Variants in PRKDC observed in about 807,000 individuals in gnomAD.
PRKDC encodes the protein protein kinase, DNA-activated, catalytic subunit, also known as DNA-dependent protein kinase catalytic subunit.
PRKDC carries 82 observed loss-of-function variants against 486.9 expected under a neutral mutation model. That is an observed-to-expected ratio of 0.17 (90% CI 0.14 to 0.20). The LOEUF is 0.20. Ranked by LOEUF, PRKDC falls within the 10% of genes least tolerant of loss-of-function variation. The probability of loss-of-function intolerance (pLI) is 1.00; values close to 1 mark genes in which losing one functional copy is unlikely to be tolerated. For missense variants in PRKDC, 4,504 were observed against 5,038.2 expected, an observed-to-expected ratio of 0.89 and a Z score of 3.21; for synonymous variants, 1,895 against 1,837.0, an observed-to-expected ratio of 1.03 and a Z score of -0.81.
intron 52 of PRKDC, among the ~76,000 whole-genome samples, chr8:47,852,463 G>A (rs1423075752): frequency 2.0e-5 from 3 of 152,162 alleles, no homozygotes; most frequent in African/African-American, 4.8e-5. Flanking sequence ...CGTTCACCAA[G>A]TTTCCAAGGT....
intron 54 of PRKDC, among the ~76,000 whole-genome samples, chr8:47,843,274 A>G (rs555151666): frequency 2.2e-4 from 33 of 152,338 alleles, no homozygotes; most frequent in African/African-American, 7.9e-4. Context: ...TAACAAAAGA[A>G]TAGACCAAGC....
chr8:47,784,703 CT>C (rs80180226), intron 77 of PRKDC, among the ~76,000 whole-genome samples: 310 of 143,870 alleles, frequency 2.2e-3, no homozygotes, highest in South Asian at 2.4e-3. Context: ...TAACTTGTCA[CT>C]TTTTTTTTTT....
chr8:47,889,232 AT>A lies in PRKDC; in HGVS notation c.4072-11del. The A allele has an allele frequency of 1.3e-6, 2 of 1,583,582 alleles. No homozygotes were observed. The highest frequency in any genetic ancestry group is 1.7e-6 in the Non-Finnish European group (2 of 1,164,882). ...AGTCCTTCTTCAGGAGCTGTAACAG[AT>A]TGTTTGATAAAAACACTTCGTCAGC... On this transcript the variant is annotated splice_polypyrimidine_tract_variant and intron_variant, in intron 32 of 85. Transcript: ENST00000314191.
chr8:47,956,567 A>G (rs1255719955), intron 3 of PRKDC, among the ~76,000 whole-genome samples: 1 of 151,138 alleles, frequency 6.6e-6, no homozygotes, highest in East Asian at 1.9e-4. Flanking sequence ...AGCTGGACAT[A>G]GTGGCACATC....
chr8:47,858,680 A>G (rs1563770736), intron 47 of PRKDC, 45 bp from the exon 48 acceptor site: 7 of 1,453,038 alleles, frequency 4.8e-6, no homozygotes, highest in Non-Finnish European at 6.4e-6. Context: ...GGAATAAAAT[A>G]ATGATACATT....
intron 7 of PRKDC, among the ~76,000 whole-genome samples, chr8:47,946,644 A>G (rs936680351): frequency 8.5e-5 from 13 of 152,094 alleles, no homozygotes; most frequent in African/African-American, 3.1e-4. Flanking sequence ...TCCTAACTTT[A>G]AATACTACCT....
rs747694541 is a variant in PRKDC, at chr8:47,912,495, T to G, written c.2849A>C (p.Glu950Ala). 1 of 1,612,970 alleles carries G rather than the reference T, an allele frequency of 6.2e-7. No homozygotes were observed. The highest frequency in any genetic ancestry group is 1.1e-5 in the South Asian group (1 of 90,880). The change falls in exon 25 of 86, where the codon GAA becomes GCA. Residue 950 changes from glutamate to alanine, a missense_variant. By Grantham distance (107) the Glu-to-Ala change is moderately radical. Coordinates refer to ENST00000314191, the MANE Select transcript of PRKDC (RefSeq NM_006904.7). ...CATGGGTGGGGCTCCCTGTCCCCCTTCTGGCATCTGCGTGGCTTTGCCCAA... is the reference window on the plus strand; with the variant it reads ...CATGGGTGGGGCTCCCTGTCCCCCTGCTGGCATCTGCGTGGCTTTGCCCAA... ...FMLGKATQMP[E>A]GGQGAPPMYQ... is the part of the protein sequence containing the mutation.
chr8:47,904,314 G>C (rs2089734185), intron 26 of PRKDC, among the ~76,000 whole-genome samples: 1 of 152,188 alleles, frequency 6.6e-6, no homozygotes, highest in South Asian at 2.1e-4. Flanking sequence ...GAGTGCAGTA[G>C]CGCAATCTCA....
In PRKDC at chr8:47,849,135, A is replaced by G; in HGVS notation, c.7280+19T>C. The G allele has an allele frequency of 6.2e-7, 1 of 1,610,362 alleles. No individual in the cohort carries two copies. Among genetic ancestry groups the G allele is most frequent in the South Asian group, 1.1e-5 (1 of 90,718 alleles). On this transcript the variant is annotated intron_variant, in intron 54 of 85. Transcript: ENST00000314191. ...TTATGAGCCAGTGGGACCCAAGAGC[A>G]GGGCTAGTGTTCACTCACCTATGTC...
Position 47,782,306 on chromosome 8 carries a change from A to G in PRKDC, c.11397-52T>C. 1.9e-6 allele frequency: 3 copies of G among 1,611,278 alleles called. No individual in the cohort carries two copies. Among genetic ancestry groups the G allele is most frequent in the Non-Finnish European group, 1.7e-6 (2 of 1,177,510 alleles). On this transcript the variant is annotated intron_variant, in intron 79 of 85. Coordinates refer to ENST00000314191, the MANE Select transcript of PRKDC (RefSeq NM_006904.7). The surrounding 1 kb of genome is among the most constrained non-coding windows in gnomAD (Gnocchi z 4.9). ...AGTAAACCCAAACTGCTCTTTCTTCACTAGAAAAACAGTCCCGTGGACGCC... is the reference window on the plus strand; with the variant it reads ...AGTAAACCCAAACTGCTCTTTCTTCGCTAGAAAAACAGTCCCGTGGACGCC...
chr8:47,931,790 C>T (rs1227718091), intron 16 of PRKDC, among the ~76,000 whole-genome samples: 1 of 152,210 alleles, frequency 6.6e-6, no homozygotes, highest in African/African-American at 2.4e-5. Flanking sequence ...AAGACACCTT[C>T]CCAGGATCTT....
At chr8:47,907,396 C>CTA (rs368939598) in intron 25 of PRKDC, among the ~76,000 whole-genome samples, 36,305 of 143,224 alleles carry the variant, frequency 0.25, 4,861 homozygotes, top group African/African-American at 0.32. Context: ...GTATACATAG[C>CTA]TATATATATA....
chr8:47,893,022 G>A, intron 31 of PRKDC, 117 bp downstream of exon 31: 1 of 1,243,040 alleles, frequency 8.0e-7, no homozygotes, highest in Non-Finnish European at 1.1e-6. Context: ...TGAAAGCACG[G>A]GCAAGGTGGT....
chr8:47,844,721 T>C (rs1399099999), intron 54 of PRKDC, among the ~76,000 whole-genome samples: 2 of 151,666 alleles, frequency 1.3e-5, no homozygotes, highest in Non-Finnish European at 2.9e-5. Flanking sequence ...AAAATAGAAA[T>C]CAATACCAAG....
At chr8:47,808,541 C>A (rs2087261625) in intron 68 of PRKDC, among the ~76,000 whole-genome samples, 1 of 152,022 alleles carries the variant, frequency 6.6e-6, no homozygotes, top group Non-Finnish European at 1.5e-5. Context: ...CAGATGTAAT[C>A]ATAGCACACT....
intron 63 of PRKDC, among the ~76,000 whole-genome samples, chr8:47,825,310 C>T (rs916411952): frequency 1.3e-5 from 2 of 151,756 alleles, no homozygotes; most frequent in Non-Finnish European, 2.9e-5. Context: ...CCGGGGCGGG[C>T]GGATCCTGGC....
intron 68 of PRKDC, among the ~76,000 whole-genome samples, chr8:47,811,402 G>C (rs1052416303): frequency 6.6e-6 from 1 of 152,146 alleles, no homozygotes; most frequent in Non-Finnish European, 1.5e-5. Flanking sequence ...TGCATTACAA[G>C]AACTGCTAAA....
intron 47 of PRKDC, 27 bp downstream of exon 47, chr8:47,858,822 A>G: frequency 6.2e-7 from 1 of 1,607,134 alleles, no homozygotes; most frequent in Non-Finnish European, 8.5e-7. Context: ...ATATAGTATT[A>G]ACAGGTAAGA....
rs1176334891 is a variant in PRKDC at position 47,785,305 on chromosome 8, C to T, written c.10915G>A (p.Glu3639Lys). 6.3e-7 allele frequency: 1 copy of T among 1,584,980 alleles called. No homozygotes were observed. The highest frequency in any genetic ancestry group is 1.8e-5 in the Admixed American group (1 of 54,598). ...CCTTTCCCAAAATGTTTATCAAATTCTTTTCCAAAAGTCTGAAATTAGTAA... is the reference window on the plus strand; with the variant it reads ...CCTTTCCCAAAATGTTTATCAAATTTTTTTCCAAAAGTCTGAAATTAGTAA... ...RRKFIQTFGK[E>K]FDKHFGKGGS... Residue 3639 changes from glutamate (E) to lysine (K), a missense_variant, in exon 77 of 86, where the codon GAA becomes AAA. Coordinates refer to ENST00000314191, the MANE Select transcript of PRKDC (RefSeq NM_006904.7).
Sources: gnomAD v4.1 joint callset for allele counts (sites outside exome capture counted in the v4.1 genomes callset) on GRCh38, gnomAD v4.1.1 for gene constraint, Gnocchi (gnomAD v3.1) non-coding constraint, MANE v1.5 for transcripts, NCBI Gene and HGNC (gene_info 2026-07-23, HGNC 2026-07-21) for gene names.